The following NRG3 variants were observed in gnomAD, a reference collection of about 807,000 sequenced individuals.
The protein encoded by NRG3 is pro-neuregulin-3, membrane-bound isoform.
In NRG3, 31 loss-of-function variants were observed where a neutral mutation model predicts 66.9. That is an observed-to-expected ratio of 0.46 (90% confidence interval 0.35 to 0.63). NRG3 has a LOEUF of 0.63. Among genes scored for constraint, NRG3 ranks in the 20% least tolerant of loss-of-function variants. NRG3 has a pLI of 0.00. For missense variants in NRG3, 910 were observed against 878.9 expected, an observed-to-expected ratio of 1.04 and a Z score of -0.45; for synonymous variants, 393 against 359.4, an observed-to-expected ratio of 1.09 and a Z score of -1.06.
chr10:82,652,002 G>A (rs892131919), intron 2 of NRG3, among the ~76,000 whole-genome samples: 1 of 152,208 alleles, frequency 6.6e-6, no homozygotes, highest in Non-Finnish European at 1.5e-5. Context: ...AAGTGAGTGA[G>A]GCAGGAACTG....
intron 4 of NRG3, among the ~76,000 whole-genome samples, chr10:82,879,648 G>C (rs1267442958): frequency 6.6e-6 from 1 of 151,462 alleles, no homozygotes; most frequent in Admixed American, 6.6e-5. Flanking sequence ...AATTTTTTTC[G>C]TATTTTTTAG....
chr10:82,268,124 G>T (rs1396560167), intron 1 of NRG3, among the ~76,000 whole-genome samples: 3 of 152,174 alleles, frequency 2.0e-5, no homozygotes, highest in Non-Finnish European at 4.4e-5. Context: ...AAAATGGAAA[G>T]TGGAAAGTAG....
intron 2 of NRG3, among the ~76,000 whole-genome samples, chr10:82,379,112 G>C (rs571027776): frequency 6.6e-6 from 1 of 152,238 alleles, no homozygotes; most frequent in Admixed American, 6.5e-5. Context: ...TCCTCAGGAT[G>C]TTCCCCCTGG....
intron 2 of NRG3, among the ~76,000 whole-genome samples, chr10:82,408,119 G>GAAAGA (rs1554911268): frequency 7.1e-6 from 1 of 141,016 alleles, no homozygotes; most frequent in African/African-American, 2.7e-5. Flanking sequence ...AAGAAAGAAA[G>GAAAGA]AAAGAAAGAA....
chr10:82,983,355 A>T (rs901355707), intron 8 of NRG3, among the ~76,000 whole-genome samples: 9 of 152,192 alleles, frequency 5.9e-5, no homozygotes, highest in African/African-American at 1.7e-4. Flanking sequence ...TTTAGCTCAT[A>T]TATTTTAGGC....
At chr10:82,817,067 A>G (rs2061741247) in intron 3 of NRG3, among the ~76,000 whole-genome samples, 2 of 152,206 alleles carry the variant, frequency 1.3e-5, no homozygotes. Context: ...ATTCTAAATG[A>G]TCTTGCCTTT....
At position 82,330,531 on chromosome 10, in the gene NRG3, A is replaced by G. The variant is rs908212874; in HGVS notation, c.824-28208A>G. 2.0e-5 allele frequency among the ~76,000 whole-genome samples: 3 copies of G among 152,208 alleles called. 1 individual carries two copies. The East Asian group carries it at 5.8e-4, about 29-fold the overall frequency. On this transcript the variant is annotated intron_variant, in intron 1 of 8. Coordinates refer to ENST00000372141, the MANE Select transcript of NRG3 (RefSeq NM_001010848.4). ...ATTAATGGAAATTTATGCAATTTTA[A>G]TATTTCTATTCATATAGATATATGG... is the stretch of plus-strand genomic sequence containing the variant.
chr10:82,599,758 A>G (rs2047505780), intron 2 of NRG3, among the ~76,000 whole-genome samples: 1 of 152,220 alleles, frequency 6.6e-6, no homozygotes, highest in Admixed American at 6.5e-5. Context: ...TGGAGGTTGC[A>G]GTGAGATGAG....
intron 3 of NRG3, among the ~76,000 whole-genome samples, chr10:82,741,770 T>A (rs1043020402): frequency 6.6e-6 from 1 of 152,100 alleles, no homozygotes; most frequent in Admixed American, 6.5e-5. Context: ...TGAAGGGCGC[T>A]TTCCTCCCTC....
intron 2 of NRG3, among the ~76,000 whole-genome samples, chr10:82,371,668 G>T (rs1217866245): frequency 6.6e-6 from 1 of 152,130 alleles, no homozygotes; most frequent in Non-Finnish European, 1.5e-5. Context: ...GAAAAAAAAG[G>T]TTTCTTTGGC....
At chr10:82,867,340 G>A (rs747816808) in intron 4 of NRG3, among the ~76,000 whole-genome samples, 3 of 152,160 alleles carry the variant, frequency 2.0e-5, no homozygotes, top group Non-Finnish European at 4.4e-5. Flanking sequence ...ATGCTTAAAA[G>A]ACTGATCTAC....
At chr10:82,797,688 C>A (rs2135413497) in intron 3 of NRG3, among the ~76,000 whole-genome samples, 1 of 152,254 alleles carries the variant, frequency 6.6e-6, no homozygotes, top group Non-Finnish European at 1.5e-5. Flanking sequence ...TCTCTACTTG[C>A]AATAAATAAC....
intron 2 of NRG3, among the ~76,000 whole-genome samples, chr10:82,361,301 A>C (rs959359070): frequency 5.9e-5 from 9 of 152,234 alleles, no homozygotes; most frequent in African/African-American, 9.6e-5. Flanking sequence ...ATAGACTCAC[A>C]ACATAGCTAA....
At chr10:82,842,684 T>C (rs529751132) in intron 3 of NRG3, among the ~76,000 whole-genome samples, 2 of 152,332 alleles carry the variant, frequency 1.3e-5, no homozygotes, top group South Asian at 2.1e-4. Context: ...AGAGAACGCC[T>C]GAAACCATGG....
chr10:82,441,789 A>G (rs186170385), intron 2 of NRG3, among the ~76,000 whole-genome samples: 2 of 152,212 alleles, frequency 1.3e-5, no homozygotes, highest in Non-Finnish European at 2.9e-5. Context: ...CATCATCAGA[A>G]TCACACACAG....
intron 3 of NRG3, among the ~76,000 whole-genome samples, chr10:82,778,319 C>A (rs1176601806): frequency 6.6e-6 from 1 of 152,100 alleles, no homozygotes; most frequent in Non-Finnish European, 1.5e-5. Context: ...ATGAAGAAAT[C>A]CCTAGGACTG....
At chr10:81,971,431 G>T (rs979000310) in intron 1 of NRG3, among the ~76,000 whole-genome samples, 1 of 152,106 alleles carries the variant, frequency 6.6e-6, no homozygotes, top group Non-Finnish European at 1.5e-5. Context: ...TGGAAATTTA[G>T]AAAACAGAGT....
At chr10:82,118,232 A>T (rs935358986) in intron 1 of NRG3, among the ~76,000 whole-genome samples, 2 of 149,204 alleles carry the variant, frequency 1.3e-5, no homozygotes, top group Non-Finnish European at 3.0e-5. Flanking sequence ...AAAAAAAAAA[A>T]CTAAAAAATC....
intron 2 of NRG3, among the ~76,000 whole-genome samples, chr10:82,607,062 G>A (rs557776823): frequency 6.6e-6 from 1 of 152,170 alleles, no homozygotes; most frequent in African/African-American, 2.4e-5. Context: ...ATTATTAAAC[G>A]CTTTCTCTGC....
Sources: allele counts gnomAD v4.1 joint callset (sites outside exome capture counted in the v4.1 genomes callset), GRCh38; gene constraint gnomAD v4.1.1; transcripts MANE v1.5; gene names NCBI Gene and HGNC (gene_info 2026-07-23, HGNC 2026-07-21).